SAMTOR: variants seen among roughly 807,000 people sequenced by gnomAD.
The protein encoded by SAMTOR is S-adenosylmethionine sensor upstream of mTORC1, also known as UPF0532 protein C7orf60.
At chr7:112,939,805 A>C in the SAMTOR span, 8 of 1,408,998 alleles carry the variant, frequency 5.7e-6, no homozygotes, top group Non-Finnish European at 7.8e-6. Flanking sequence ...CGCTCCCCAG[A>C]TGGAGGAGGT....
the SAMTOR span, among the ~76,000 whole-genome samples, chr7:112,863,404 C>G: frequency 2.5e-4 from 38 of 152,246 alleles, no homozygotes; most frequent in African/African-American, 7.9e-4. Flanking sequence ...ATGCTAAAAG[C>G]AGTTGCACAA....
chr7:112,821,547 C>T, the SAMTOR span: 1 of 462,270 alleles, frequency 2.2e-6, no homozygotes, highest in East Asian at 3.5e-5. Context: ...ACATGAGTCA[C>T]TCTGCATGAA....
At chr7:112,822,758 CAAGA>C in the SAMTOR span, among the ~76,000 whole-genome samples, 2 of 151,722 alleles carry the variant, frequency 1.3e-5, no homozygotes, top group Non-Finnish European at 2.9e-5. Flanking sequence ...AAATGCTAAA[CAAGA>C]AATACCATGA....
chr7:112,845,421 G>T, the SAMTOR span, among the ~76,000 whole-genome samples: 1 of 152,100 alleles, frequency 6.6e-6, no homozygotes, highest in Non-Finnish European at 1.5e-5. Flanking sequence ...ATAAAAAGTG[G>T]GCAAAGGACA....
chr7:112,895,469 GGA>G, the SAMTOR span: 1 of 777,498 alleles, frequency 1.3e-6, no homozygotes, highest in Non-Finnish European at 1.9e-6. Flanking sequence ...TGTAACTACT[GGA>G]GGAGCAAGTA....
chr7:112,849,944 T>G, the SAMTOR span, among the ~76,000 whole-genome samples: 2 of 152,282 alleles, frequency 1.3e-5, no homozygotes, highest in Non-Finnish European at 2.9e-5. Context: ...TGGTGGCTCA[T>G]GCCTGTAATC....
chr7:112,857,768 C>T, the SAMTOR span, among the ~76,000 whole-genome samples: 1 of 152,068 alleles, frequency 6.6e-6, no homozygotes, highest in Non-Finnish European at 1.5e-5. Context: ...AGTTGCCTGC[C>T]CAGAGAGGCT....
At chr7:112,890,697 T>C in the SAMTOR span, among the ~76,000 whole-genome samples, 80 of 151,700 alleles carry the variant, frequency 5.3e-4, 3 homozygotes, top group East Asian at 0.012. Context: ...GAATACTTTT[T>C]TTTTTTTAAG....
At chr7:112,878,954 T>G in the SAMTOR span, among the ~76,000 whole-genome samples, 3 of 151,954 alleles carry the variant, frequency 2.0e-5, no homozygotes, top group Non-Finnish European at 4.4e-5. Context: ...ATTGAGAATT[T>G]AGAATTGATA....
the SAMTOR span, among the ~76,000 whole-genome samples, chr7:112,896,910 C>T: frequency 6.6e-6 from 1 of 152,186 alleles, no homozygotes; most frequent in Admixed American, 6.5e-5. Flanking sequence ...TAAGCAAAGA[C>T]ATGAAAGAGA....
the SAMTOR span, among the ~76,000 whole-genome samples, chr7:112,896,075 A>T: frequency 1.3e-5 from 2 of 152,174 alleles, no homozygotes; most frequent in Admixed American, 1.3e-4. Flanking sequence ...CAACATCCAG[A>T]AGGAATAGTA....
At chr7:112,885,854 T>G in the SAMTOR span, among the ~76,000 whole-genome samples, 63 of 152,270 alleles carry the variant, frequency 4.1e-4, no homozygotes, top group Non-Finnish European at 7.5e-4. Flanking sequence ...CACCCCACTT[T>G]CTGTGGTACC....
the SAMTOR span, among the ~76,000 whole-genome samples, chr7:112,860,769 G>C: frequency 6.6e-6 from 1 of 151,712 alleles, no homozygotes; most frequent in East Asian, 1.9e-4. Flanking sequence ...AAAATTAGCC[G>C]GGCATGGTGG....
the SAMTOR span, among the ~76,000 whole-genome samples, chr7:112,938,384 C>T: frequency 6.6e-6 from 1 of 152,144 alleles, no homozygotes; most frequent in East Asian, 1.9e-4. Flanking sequence ...GGAAAGAAAC[C>T]TTTAAAGTTT....
At chr7:112,908,056 A>G in the SAMTOR span, among the ~76,000 whole-genome samples, 4 of 152,214 alleles carry the variant, frequency 2.6e-5, no homozygotes. Context: ...CACTATTTGT[A>G]GTAGCAAAAG....
At chr7:112,825,154 T>A in the SAMTOR span, among the ~76,000 whole-genome samples, 2 of 152,098 alleles carry the variant, frequency 1.3e-5, no homozygotes, top group African/African-American at 4.8e-5. Context: ...CCTGAGTAGC[T>A]GGGACCACAG....
the SAMTOR span, among the ~76,000 whole-genome samples, chr7:112,936,293 A>T: frequency 6.6e-6 from 1 of 152,238 alleles, no homozygotes; most frequent in African/African-American, 2.4e-5. Context: ...TCTCCCTACC[A>T]TTTCTTTTTA....
At chr7:112,902,331 C>T in the SAMTOR span, among the ~76,000 whole-genome samples, 2 of 142,200 alleles carry the variant, frequency 1.4e-5, no homozygotes, top group Admixed American at 7.2e-5. Flanking sequence ...AACCGGGAGG[C>T]GGAGGCTGCA....
At chr7:112,832,459 A>G in the SAMTOR span, 7 of 714,986 alleles carry the variant, frequency 9.8e-6, no homozygotes, top group Non-Finnish European at 1.7e-5. Flanking sequence ...CTCAATGGGT[A>G]CACAGGAAAT....
Sources: allele counts gnomAD v4.1 joint callset (sites outside exome capture counted in the v4.1 genomes callset), GRCh38; gene constraint gnomAD v4.1.1; transcripts MANE v1.5; gene names NCBI Gene and HGNC (gene_info 2026-07-23, HGNC 2026-07-21).